The following LZTS1 variants were observed in gnomAD, a reference collection of about 807,000 sequenced individuals.
LZTS1 encodes leucine zipper putative tumor suppressor 1.
In LZTS1, 31 loss-of-function variants were observed where a neutral mutation model predicts 45.8. The observed-to-expected ratio is 0.68, with a 90% CI of 0.51 to 0.91. The LOEUF (loss-of-function observed/expected upper bound fraction) is 0.91. Among genes scored for constraint, LZTS1 ranks in the 40% least tolerant of loss-of-function variants. LZTS1 has a pLI of 0.00. For synonymous variants in LZTS1, 359 were observed against 357.3 expected (o/e 1.00, Z -0.05); for missense variants, 821 against 788.9 (o/e 1.04, Z -0.49).
At chr8:20,293,108 G>A (rs997331246) in intron 1 of LZTS1, among the ~76,000 whole-genome samples, 7 of 152,206 alleles carry the variant, frequency 4.6e-5, no homozygotes, top group South Asian at 2.1e-4. Flanking sequence ...TAGGAGATAC[G>A]AGATGAAGAT....
chr8:20,303,201 G>A (rs534734451), intron 1 of LZTS1, among the ~76,000 whole-genome samples: 2 of 152,258 alleles, frequency 1.3e-5, no homozygotes, highest in South Asian at 4.1e-4. Flanking sequence ...ACCTCCGCCC[G>A]TGTGACTTAT....
intron 1 of LZTS1, among the ~76,000 whole-genome samples, chr8:20,272,379 C>A (rs1402164140): frequency 6.6e-6 from 1 of 152,152 alleles, no homozygotes; most frequent in Admixed American, 6.5e-5. Context: ...TTGCTCATGC[C>A]CAATTCTCCC....
Position 20,254,980 on chromosome 8 carries a change from T to C in LZTS1, c.202A>G (p.Ile68Val), listed in dbSNP as rs780230970. The C allele has an allele frequency of 8.1e-6, 13 of 1,614,192 alleles. No homozygotes were observed. Among genetic ancestry groups the C allele is most frequent in the Non-Finnish European group, 1.1e-5 (13 of 1,180,040 alleles). Residue 68 changes from isoleucine to valine, a missense_variant, in exon 2 of 4, where the codon ATC becomes GTC. Ile to Val is a conservative substitution (Grantham distance 29, BLOSUM62 3). Transcript: ENST00000381569. ...CCCCGGGCTTTCTGGCTGACCTTGA[T>C]GTAGAAGAAGTCTTCGCTCTTGCCC... ...KMGKSEDFFY[I>V]KVSQKARGSH... is the part of the protein sequence containing the mutation.
intron 1 of LZTS1, among the ~76,000 whole-genome samples, chr8:20,258,257 T>C (rs748900696): frequency 6.6e-6 from 1 of 152,230 alleles, no homozygotes; most frequent in Non-Finnish European, 1.5e-5. Flanking sequence ...TGTTCTTCGC[T>C]GAGCTCTAAA....
intron 1 of LZTS1, among the ~76,000 whole-genome samples, chr8:20,274,229 C>G (rs1800530407): frequency 6.6e-6 from 1 of 152,216 alleles, no homozygotes; most frequent in Non-Finnish European, 1.5e-5. Context: ...GCAGTACCTT[C>G]TGGCCCAAGA....
Position 20,303,865 on chromosome 8 carries a change from C to T in LZTS1, c.-260G>A, listed in dbSNP as rs1051285722. 3.0e-6 allele frequency: 3 copies of T among 985,056 alleles called. No homozygotes were observed. The highest frequency in any genetic ancestry group is 3.6e-6 in the Non-Finnish European group (3 of 829,838). 61.0% of individuals were successfully genotyped at this position (985,056 alleles called of 1,614,324 possible). ...GCCGGTCCCACTGCGCGGGATGCAGCTCCCGGCTCCCACTCACTGGCCGAG... is the reference window on the plus strand; with the variant it reads ...GCCGGTCCCACTGCGCGGGATGCAGTTCCCGGCTCCCACTCACTGGCCGAG... On this transcript the variant is annotated 5_prime_UTR_variant, in exon 1 of 4. Transcript: ENST00000381569.
At chr8:20,259,459 T>C (rs559061641) in intron 1 of LZTS1, among the ~76,000 whole-genome samples, 87 of 152,262 alleles carry the variant, frequency 5.7e-4, no homozygotes, top group African/African-American at 2.0e-3. Context: ...CACCTGGGCC[T>C]TGAAGGAGCC....
chr8:20,257,332 C>T (rs973259583), intron 1 of LZTS1, among the ~76,000 whole-genome samples: 1 of 152,050 alleles, frequency 6.6e-6, no homozygotes, highest in Non-Finnish European at 1.5e-5. Flanking sequence ...TGCACTCCAG[C>T]CTGGGCAACA....
In LZTS1 at chr8:20,253,351, C is replaced by T. The variant is rs1252505061; in HGVS notation, c.580G>A (p.Asp194Asn). ...THSTSSSYQL[D>N]PLVTPVGPTS... Reference sequence around the variant, plus strand: ...GGTCCCACGGGTGTGACCAGCGGGTCCAGCTGGTAGCTGCTGCTGGTGCTG... The same window carrying T: ...GGTCCCACGGGTGTGACCAGCGGGTTCAGCTGGTAGCTGCTGCTGGTGCTG... Residue 194 changes from aspartate (D) to asparagine (N), a missense_variant, in exon 3 of 4, where the codon GAC becomes AAC. Asp to Asn is a conservative substitution (Grantham distance 23). Coordinates refer to ENST00000381569, the MANE Select transcript of LZTS1 (RefSeq NM_021020.5). The T allele has an allele frequency of 1.2e-6, 2 of 1,613,588 alleles. No individual in the cohort carries two copies. Among genetic ancestry groups the T allele is most frequent in the Non-Finnish European group, 1.7e-6 (2 of 1,179,856 alleles).
chr8:20,285,997 G>A (rs1034050962), intron 1 of LZTS1, among the ~76,000 whole-genome samples: 2 of 152,146 alleles, frequency 1.3e-5, no homozygotes, highest in African/African-American at 4.8e-5. Context: ...TACCACACAC[G>A]AATATTTCCA....
intron 3 of LZTS1, among the ~76,000 whole-genome samples, chr8:20,252,315 A>G (rs977607192): frequency 2.6e-5 from 4 of 152,170 alleles, no homozygotes; most frequent in Non-Finnish European, 4.4e-5. Flanking sequence ...GGCCACTTCC[A>G]TCACTGAAAC....
chr8:20,303,612 C>T, intron 1 of LZTS1, 128 bp downstream of exon 1: 1 of 817,332 alleles, frequency 1.2e-6, no homozygotes, highest in Non-Finnish European at 1.5e-6. Context: ...GCCACGGACA[C>T]AGACAGACAA....
chr8:20,268,250 A>T (rs755178666), intron 1 of LZTS1, among the ~76,000 whole-genome samples: 5 of 147,666 alleles, frequency 3.4e-5, no homozygotes, highest in Non-Finnish European at 6.0e-5. Flanking sequence ...ATGTGAGAAC[A>T]GTCCCCAGGC....
rs1799776311 is a variant in LZTS1, at chr8:20,247,797, A to G, written c.*1925T>C. The G allele has an allele frequency of 6.5e-6, 1 of 152,786 alleles. No individual in the cohort carries two copies. Among genetic ancestry groups the G allele is most frequent in the Middle Eastern group, 3.4e-3 (1 of 296 alleles). 9.5% of individuals were successfully genotyped at this position (152,786 alleles called of 1,614,324 possible). A position where few individuals can be genotyped will look rare whatever the true frequency, so the allele number is the denominator to read the frequency against. ...TCCCCACCCCTACCTCGGGGTCTCTAAGGGCCAGCGGTGAGCGAGGCAGAA... is the reference window on the plus strand; with the variant it reads ...TCCCCACCCCTACCTCGGGGTCTCTGAGGGCCAGCGGTGAGCGAGGCAGAA... On this transcript the variant is annotated 3_prime_UTR_variant, in exon 4 of 4. Coordinates refer to ENST00000381569, the MANE Select transcript of LZTS1 (RefSeq NM_021020.5).
chr8:20,291,155 A>G (rs888279446), intron 1 of LZTS1, among the ~76,000 whole-genome samples: 6 of 152,248 alleles, frequency 3.9e-5, no homozygotes, highest in African/African-American at 1.4e-4. Context: ...TAACGTAGTC[A>G]GATTGACCAC....
intron 1 of LZTS1, among the ~76,000 whole-genome samples, chr8:20,260,699 C>T (rs1368610922): frequency 6.6e-6 from 1 of 152,218 alleles, no homozygotes; most frequent in Non-Finnish European, 1.5e-5. Context: ...CTGTGTCATT[C>T]ACCTGGGCAG....
chr8:20,246,511 A>G lies in LZTS1; in HGVS notation c.*3211T>C, dbSNP rs1033266805. 6.6e-6 allele frequency: 1 copy of G among 152,510 alleles called. No homozygotes were observed. The highest frequency in any genetic ancestry group is 1.5e-5 in the Non-Finnish European group (1 of 68,336). 9.4% of individuals were successfully genotyped at this position (152,510 alleles called of 1,614,324 possible). On this transcript the variant is annotated 3_prime_UTR_variant, in exon 4 of 4. Coordinates refer to ENST00000381569, the MANE Select transcript of LZTS1 (RefSeq NM_021020.5). ...GTCTGCAGGGAAATCCCTCTCCCCA[A>G]GCTGCTGCTCCTCCAGCCAGGCCTG...
At chr8:20,271,675 G>A (rs1431936206) in intron 1 of LZTS1, among the ~76,000 whole-genome samples, 1 of 152,186 alleles carries the variant, frequency 6.6e-6, no homozygotes, top group Non-Finnish European at 1.5e-5. Context: ...CTCCCTGACC[G>A]CGGCTGCTTC....
intron 1 of LZTS1, among the ~76,000 whole-genome samples, chr8:20,281,582 G>T (rs1371278775): frequency 6.6e-6 from 1 of 151,768 alleles, no homozygotes; most frequent in Non-Finnish European, 1.5e-5. Flanking sequence ...AAAAAAAAAA[G>T]AATGGCTGAG....
Sources: allele counts gnomAD v4.1 joint callset (sites outside exome capture counted in the v4.1 genomes callset), GRCh38; gene constraint gnomAD v4.1.1; transcripts MANE v1.5; gene names NCBI Gene and HGNC (gene_info 2026-07-23, HGNC 2026-07-21).